Variants in SANBR observed in about 807,000 individuals in gnomAD.
SANBR encodes the protein SANT and BTB domain regulator of class switch recombination.
SANBR carries 77 observed loss-of-function variants against 101.8 expected under a neutral mutation model. That is an observed-to-expected ratio of 0.76 (90% confidence interval 0.63 to 0.91). The LOEUF (loss-of-function observed/expected upper bound fraction) is 0.91. SANBR is among the 40% of genes least tolerant of loss of function. The probability of loss-of-function intolerance (pLI) is 0.00; values close to 1 mark genes in which losing one functional copy is unlikely to be tolerated. For synonymous variants in SANBR, 279 were observed against 274.7 expected, an observed-to-expected ratio of 1.02 and a Z score of -0.15; for missense variants, 875 against 853.0, an observed-to-expected ratio of 1.03 and a Z score of -0.32.
At chr2:61,070,032 A>G (rs1187727870) in intron 2 of SANBR, among the ~76,000 whole-genome samples, 2 of 152,148 alleles carry the variant, frequency 1.3e-5, no homozygotes, top group Non-Finnish European at 2.9e-5. Context: ...ATTACTTAAC[A>G]ACTCTGAACC....
At chr2:61,088,277 T>A in intron 9 of SANBR, 32 bp downstream of exon 9, 1 of 1,576,768 alleles carries the variant, frequency 6.3e-7, no homozygotes, top group Non-Finnish European at 8.6e-7. Flanking sequence ...TTTGGTGTAC[T>A]TTATAATGCA....
rs1573580636 is a variant in SANBR, at chr2:61,070,513, C to T, written c.150+13C>T. On this transcript the variant is annotated intron_variant, in intron 3 of 21. Coordinates refer to ENST00000402291, the MANE Select transcript of SANBR (RefSeq NM_001129993.3). ...AACACCAAAAGAGGTAAATAACAGT[C>T]CCCCCAGAATATCTCCTGAAAATGT... is the stretch of plus-strand genomic sequence containing the variant. 3.1e-6 allele frequency: 5 copies of T among 1,599,132 alleles called. No individual in the cohort carries two copies. Among genetic ancestry groups the T allele is most frequent in the Non-Finnish European group, 3.4e-6 (4 of 1,173,648 alleles).
chr2:61,132,397 T>C (rs1684715257), intron 20 of SANBR, among the ~76,000 whole-genome samples: 1 of 152,108 alleles, frequency 6.6e-6, no homozygotes, highest in Non-Finnish European at 1.5e-5. Flanking sequence ...ATACAAATGG[T>C]CAGTAAGCGC....
intron 3 of SANBR, 130 bp from the exon 4 acceptor site, chr2:61,071,476 G>T (rs546598781): frequency 2.0e-5 from 9 of 454,362 alleles, no homozygotes; most frequent in Non-Finnish European, 3.0e-5. Context: ...CTTGAACCCG[G>T]GAGGCGGAGG....
At position 61,121,187 on chromosome 2, in the gene SANBR, T is replaced by C; in HGVS notation, c.2031T>C (p.Phe677=). 1 of 1,549,796 alleles carries C rather than the reference T, an allele frequency of 6.5e-7. No homozygotes were observed. The highest frequency in any genetic ancestry group is 1.2e-5 in the South Asian group (1 of 84,004). ...AGTATTGCTTCTTTATTCTGCAGTTTGCAGGAGGTATTTATTCCAGGCTGG... is the reference window on the plus strand; with the variant it reads ...AGTATTGCTTCTTTATTCTGCAGTTCGCAGGAGGTATTTATTCCAGGCTGG... ...DRVKSKEAKE[F]AGGIYSRLEA... Residue 677 remains phenylalanine (F), a splice_region_variant and synonymous_variant, in exon 21 of 22, where the codon TTT becomes TTC. Coordinates refer to ENST00000402291, the MANE Select transcript of SANBR (RefSeq NM_001129993.3).
rs1436419255 is a variant in SANBR at position 61,117,348 on chromosome 2, T to C, written c.1837-9T>C. The stretch of plus-strand genomic sequence containing the variant: ...TAATTGGGCCTTAATGTTGTCTACT[T>C]TTTTTTAGTCAGCTTCTAGAGATGT... On this transcript the variant is annotated splice_polypyrimidine_tract_variant and intron_variant, in intron 17 of 21. Transcript: ENST00000402291. 11 of 1,613,068 alleles carry C rather than the reference T, an allele frequency of 6.8e-6. No homozygotes were observed. Among genetic ancestry groups the C allele is most frequent in the Non-Finnish European group, 9.3e-6 (11 of 1,179,316 alleles).
chr2:61,105,173 G>C (rs745886080), intron 13 of SANBR, among the ~76,000 whole-genome samples: 9 of 151,998 alleles, frequency 5.9e-5, no homozygotes, highest in Admixed American at 2.6e-4. Context: ...TTGAGGTCAG[G>C]AGTTTGAGAC....
At chr2:61,075,799 CATTTG>C (rs1681733738) in intron 5 of SANBR, among the ~76,000 whole-genome samples, 1 of 151,650 alleles carries the variant, frequency 6.6e-6, no homozygotes, top group African/African-American at 2.4e-5. Context: ...GCTAGTTATT[CATTTG>C]ATTCTTTAGT....
At chr2:61,108,802 A>G (rs543449083) in intron 15 of SANBR, among the ~76,000 whole-genome samples, 1 of 152,212 alleles carries the variant, frequency 6.6e-6, no homozygotes, top group Non-Finnish European at 1.5e-5. Flanking sequence ...ATATGGTTAA[A>G]TAATCCAGGA....
At chr2:61,108,037 CTA>C (rs1452180019) in intron 14 of SANBR, among the ~76,000 whole-genome samples, 2 of 152,080 alleles carry the variant, frequency 1.3e-5, no homozygotes, top group Non-Finnish European at 2.9e-5. Context: ...CTAAAAATAA[CTA>C]AAATTATTTT....
chr2:61,106,377 C>T (rs535783047), intron 13 of SANBR, among the ~76,000 whole-genome samples, 186 bp from the exon 14 acceptor site: 9 of 105,340 alleles, frequency 8.5e-5, no homozygotes, highest in Middle Eastern at 9.6e-3. Context: ...GGTGACAGAG[C>T]GAGACTCCAT....
At position 61,081,448 on chromosome 2, in the gene SANBR, T is replaced by TC; in HGVS notation, c.671-4_671-3insC. The TC allele has an allele frequency of 6.3e-7, 1 of 1,583,572 alleles. No homozygotes were observed. ...AGGGTAATCTAATTTTTTTTTTTTT[T>TC]TAGAGCCAGGAAATGTCATTTCAAT... On this transcript the variant is annotated splice_region_variant and splice_polypyrimidine_tract_variant and intron_variant, in intron 6 of 21. Transcript: ENST00000402291.
intron 11 of SANBR, among the ~76,000 whole-genome samples, chr2:61,093,600 G>GA (rs999201629): frequency 3.0e-4 from 41 of 138,806 alleles, no homozygotes; most frequent in Middle Eastern, 3.8e-3. Flanking sequence ...TCTCAAAAGA[G>GA]AAAAAAAAAA....
At chr2:61,073,835 A>G (rs1681611763) in intron 5 of SANBR, among the ~76,000 whole-genome samples, 1 of 152,102 alleles carries the variant, frequency 6.6e-6, no homozygotes, top group African/African-American at 2.4e-5. Flanking sequence ...TTTAATACCC[A>G]AGGAAAAAAA....
chr2:61,066,251 A>T (rs1232402767), intron 1 of SANBR: 1 of 152,396 alleles, frequency 6.6e-6, no homozygotes, highest in East Asian at 1.9e-4. Context: ...ATGTCCCTGC[A>T]GACCGTCCCG....
intron 20 of SANBR, among the ~76,000 whole-genome samples, chr2:61,130,439 A>T (rs544697008): frequency 4.2e-4 from 64 of 152,310 alleles, no homozygotes; most frequent in Middle Eastern, 3.4e-3. Flanking sequence ...AAGCCCAGAC[A>T]TCACTAGACA....
rs1424164135 is a variant in SANBR, at chr2:61,083,264, C to T, written c.840C>T (p.Phe280=). 2.5e-6 allele frequency: 4 copies of T among 1,610,216 alleles called. No individual in the cohort carries two copies. Among genetic ancestry groups the T allele is most frequent in the Non-Finnish European group, 2.5e-6 (3 of 1,177,018 alleles). ...TTCTCACACGTATAGCTGATCTGTT[C>T]TCACACAATGAAGTTGATGATTTAA... ...ANLLTRIADL[F]SHNEVDDLKD... Residue 280 remains phenylalanine, a synonymous_variant, in exon 8 of 22, where the codon TTC becomes TTT. Transcript: ENST00000402291.
intron 5 of SANBR, among the ~76,000 whole-genome samples, chr2:61,074,070 T>A (rs1269052491): frequency 6.6e-6 from 1 of 152,230 alleles, no homozygotes; most frequent in Admixed American, 6.5e-5. Flanking sequence ...GGATGTACCA[T>A]ATAACCATCA....
chr2:61,074,487 C>T (rs1252977650), intron 5 of SANBR, among the ~76,000 whole-genome samples: 1 of 152,220 alleles, frequency 6.6e-6, no homozygotes, highest in Non-Finnish European at 1.5e-5. Flanking sequence ...CAGCTCTCTG[C>T]AACTTCTGCC....
Sources: allele counts gnomAD v4.1 joint callset (sites outside exome capture counted in the v4.1 genomes callset), GRCh38; gene constraint gnomAD v4.1.1; transcripts MANE v1.5; gene names NCBI Gene and HGNC (gene_info 2026-07-23, HGNC 2026-07-21).